Variants in ACTN3 observed in about 807,000 individuals in gnomAD.
The protein encoded by ACTN3 is alpha-actinin-3.
A neutral mutation model predicts 119.6 loss-of-function variants in ACTN3; 91 were observed. The observed-to-expected ratio is 0.76, with a 90% CI of 0.64 to 0.91. The LOEUF is 0.91. ACTN3 is among the 40% of genes least tolerant of loss of function. ACTN3 has a pLI of 0.00. For synonymous variants in ACTN3, 456 were observed against 478.8 expected, an observed-to-expected ratio of 0.95 and a Z score of 0.62; for missense variants, 1,221 against 1,215.1, an observed-to-expected ratio of 1.00 and a Z score of -0.07.
intron 9 of ACTN3, 128 bp downstream of exon 9, chr11:66,557,353 C>G: frequency 1.2e-6 from 1 of 864,430 alleles, no homozygotes; most frequent in Non-Finnish European, 1.8e-6. Flanking sequence ...TCCCAGCCTC[C>G]TCCTGTCCAT....
Position 66,556,204 on chromosome 11 carries a change from T to C in ACTN3, c.778T>C (p.Tyr260His). The stretch of plus-strand genomic sequence containing the variant: ...CATCATGACCTATGTGTCCTGCTTC[T>C]ACCATGCCTTTGCCGGGGCTGAGCA... ...KAIMTYVSCF[Y>H]HAFAGAEQAE... The change falls in exon 8 of 21, where the codon TAC becomes CAC. Residue 260 changes from tyrosine to histidine, a missense_variant. Physicochemically the swap from Tyr to His is moderately conservative, Grantham distance 83 (BLOSUM62 2). Coordinates refer to ENST00000513398, the MANE Select transcript of ACTN3 (RefSeq NM_001104.4). 1 of 1,613,954 alleles carries C rather than the reference T, an allele frequency of 6.2e-7. No homozygotes were observed. The highest frequency in any genetic ancestry group is 2.2e-5 in the East Asian group (1 of 44,840).
At chr11:66,554,169 G>A in intron 4 of ACTN3, 38 bp downstream of exon 4, 2 of 1,584,272 alleles carry the variant, frequency 1.3e-6, no homozygotes, top group Non-Finnish European at 1.7e-6. Context: ...CAGGTGCAGT[G>A]GCTGGGGCCT....
intron 1 of ACTN3, among the ~76,000 whole-genome samples, chr11:66,550,415 T>C (rs1487040912): frequency 2.0e-5 from 3 of 152,180 alleles, no homozygotes; most frequent in Non-Finnish European, 2.9e-5. Flanking sequence ...AGAAGGAGGC[T>C]GAGGCTGAGG....
intron 3 of ACTN3, among the ~76,000 whole-genome samples, chr11:66,553,336 T>C (rs1565304580): frequency 1.4e-5 from 2 of 144,734 alleles, no homozygotes; most frequent in Non-Finnish European, 3.0e-5. Flanking sequence ...GGCAGATCAT[T>C]TGAGGTCGGG....
At chr11:66,550,254 C>T (rs1174263257) in intron 1 of ACTN3, among the ~76,000 whole-genome samples, 1 of 152,186 alleles carries the variant, frequency 6.6e-6, no homozygotes, top group African/African-American at 2.4e-5. Context: ...GCTCAGTTGG[C>T]CTTGGAGCCC....
Position 66,561,368 on chromosome 11 carries a change from G to A in ACTN3, c.1995+7G>A, listed in dbSNP as rs1435601484. The stretch of plus-strand genomic sequence containing the variant: ...GATCCAGGCGAAGGTGGAGGTAAGG[G>A]CTGGGATAGTGGGTCCAACCTGGGG... On this transcript the variant is annotated splice_region_variant and intron_variant, in intron 16 of 20. Transcript: ENST00000513398. 3 of 1,609,340 alleles carry A rather than the reference G, an allele frequency of 1.9e-6. No individual in the cohort carries two copies. Among genetic ancestry groups the A allele is most frequent in the African/African-American group, 1.3e-5 (1 of 74,902 alleles).
intron 19 of ACTN3, 88 bp from the exon 20 acceptor site, chr11:66,562,708 T>G (rs1201331835): frequency 7.0e-7 from 1 of 1,423,694 alleles, no homozygotes; most frequent in South Asian, 1.4e-5. Context: ...CTCTGCTAGC[T>G]GAGGTTGGAC....
Position 66,560,645 on chromosome 11 carries a change from G to A in ACTN3, c.1750G>A (p.Gly584Ser), listed in dbSNP as rs1857734947. The change falls in exon 15 of 21, where the codon GGC (glycine) becomes AGC (serine). Residue 584 changes from glycine to serine, a missense_variant. By Grantham distance (56) the Gly-to-Ser change is moderately conservative. This residue lies in a region of ACTN3 where 934 missense variants were observed against 899.9 expected (regional missense o/e 1.04). Transcript: ENST00000513398. ...EADRERGAIM[G>S]IQGEIQKICQ... ...TGACCGAGAGCGAGGTGCCATCATG[G>A]GCATCCAGGGTGAGATCCAGAAGAT... is the stretch of plus-strand genomic sequence containing the variant. 2.5e-6 allele frequency: 4 copies of A among 1,613,718 alleles called. No homozygotes were observed. Among genetic ancestry groups the A allele is most frequent in the Admixed American group, 1.7e-5 (1 of 59,994 alleles).
At position 66,560,200 on chromosome 11, in the gene ACTN3, C is replaced by T. The variant is rs1392357251; in HGVS notation, c.1566C>T (p.Asp522=). Residue 522 remains aspartate (D), a synonymous_variant, in exon 14 of 21, where the codon GAC becomes GAT. Transcript: ENST00000513398. ...TGGAGAAGCTCCTGGAGACCATTGACCGGCTGCAACTGGAGTTTGCCCGGC... is the reference window on the plus strand; with the variant it reads ...TGGAGAAGCTCCTGGAGACCATTGATCGGCTGCAACTGGAGTTTGCCCGGC... ...ERMEKLLETI[D]RLQLEFARRA... is the part of the protein sequence containing the mutation. The T allele has an allele frequency of 5.6e-6, 9 of 1,609,608 alleles. No homozygotes were observed. The Admixed American group carries it at 1.0e-4, about 18-fold the overall frequency.
At position 66,554,658 on chromosome 11, in the gene ACTN3, C is replaced by T. The variant is rs140173495; in HGVS notation, c.557+35C>T. 60 of 1,562,864 alleles carry T rather than the reference C, an allele frequency of 3.8e-5. No homozygotes were observed. In the East Asian group the frequency reaches 8.8e-4, roughly 23 times the overall value. On this transcript the variant is annotated intron_variant, in intron 5 of 20. Coordinates refer to ENST00000513398, the MANE Select transcript of ACTN3 (RefSeq NM_001104.4). ...GTGGTTACCAAATGTGTCTGGGCCTCTGTGGGGTACTGGGCATAGAGAGGA... is the reference window on the plus strand; with the variant it reads ...GTGGTTACCAAATGTGTCTGGGCCTTTGTGGGGTACTGGGCATAGAGAGGA...
In ACTN3 at chr11:66,554,553, G is replaced by T; in HGVS notation, c.487G>T (p.Gly163Cys). Reference protein sequence around the residue: ...ISVEETSAKEGLLLWCQRKTA... With the variant: ...ISVEETSAKECLLLWCQRKTA... ...CGACCCAGAAACCTCAGCCAAGGAA[G>T]GCTTGCTTCTGTGGTGCCAGAGGAA... The change falls in exon 5 of 21, where the codon GGC becomes TGC. Residue 163 changes from glycine (G) to cysteine (C), a missense_variant. This residue lies in a region of ACTN3 where 239 missense variants were observed against 231.8 expected (regional missense o/e 1.03). Coordinates refer to ENST00000513398, the MANE Select transcript of ACTN3 (RefSeq NM_001104.4). The T allele has an allele frequency of 6.2e-7, 1 of 1,610,962 alleles. No individual in the cohort carries two copies. Among genetic ancestry groups the T allele is most frequent in the Non-Finnish European group, 8.5e-7 (1 of 1,178,386 alleles).
chr11:66,547,055 G>C lies in ACTN3; in HGVS notation c.118G>C (p.Asp40His). Residue 40 changes from aspartate (D) to histidine (H), a missense_variant, in exon 1 of 21, where the codon GAC (aspartate) becomes CAC (histidine). Asp to His is a moderately conservative substitution (Grantham distance 81, BLOSUM62 -1). Coordinates refer to ENST00000513398, the MANE Select transcript of ACTN3 (RefSeq NM_001104.4). ...GGACTGGGACCGCGACCTGCTGCTG[G>C]ACCCGGCCTGGGAGAAGCAGCAGCG... The part of the protein sequence containing the change: ...EEDWDRDLLL[D>H]PAWEKQQRKT... 6.6e-7 allele frequency: 1 copy of C among 1,510,276 alleles called. No individual in the cohort carries two copies. Among genetic ancestry groups the C allele is most frequent in the Non-Finnish European group, 8.8e-7 (1 of 1,131,020 alleles). 93.6% of individuals were successfully genotyped at this position (1,510,276 alleles called of 1,614,324 possible).
chr11:66,549,345 A>AATTCCTCGGCAACCTCTTACAGC (rs1857426100), intron 1 of ACTN3, among the ~76,000 whole-genome samples: 1 of 151,958 alleles, frequency 6.6e-6, no homozygotes, highest in South Asian at 2.1e-4. Flanking sequence ...CCCTCCCATA[A>AATTCCTCGGCAACCTCTTACAGC]ATTCCTCGGC....
chr11:66,558,428 T>C (rs977236658), intron 11 of ACTN3, among the ~76,000 whole-genome samples: 4 of 152,184 alleles, frequency 2.6e-5, no homozygotes, highest in African/African-American at 9.7e-5. Flanking sequence ...CCCAGGCTAG[T>C]ACAATCTCGG....
Position 66,559,999 on chromosome 11 carries a change from A to T in ACTN3, c.1459A>T (p.Asn487Tyr), listed in dbSNP as rs1857707086. The T allele has an allele frequency of 6.2e-7, 1 of 1,603,098 alleles. No homozygotes were observed. The highest frequency in any genetic ancestry group is 1.3e-5 in the African/African-American group (1 of 74,842). ...ELDYHEAASV[N>Y]SRCQAICDQW... ...GGACTACCACGAGGCAGCCTCAGTG[A>T]ATAGCCGCTGCCAGGCCATCTGCGA... The change falls in exon 13 of 21, where the codon AAT becomes TAT. Residue 487 changes from asparagine (N) to tyrosine (Y), a missense_variant. This residue lies in a region of ACTN3 where 934 missense variants were observed against 899.9 expected (regional missense o/e 1.04). Coordinates refer to ENST00000513398, the MANE Select transcript of ACTN3 (RefSeq NM_001104.4).
At chr11:66,552,247 G>A (rs1280220864) in intron 3 of ACTN3, among the ~76,000 whole-genome samples, 3 of 151,908 alleles carry the variant, frequency 2.0e-5, no homozygotes, top group Non-Finnish European at 4.4e-5. Context: ...GCGCGTGGCT[G>A]TAATCCCAAC....
chr11:66,547,666 T>C (rs1857387494), intron 1 of ACTN3, among the ~76,000 whole-genome samples: 2 of 152,040 alleles, frequency 1.3e-5, no homozygotes, highest in African/African-American at 4.8e-5. Context: ...ATCTTTACCC[T>C]TTTCCCTACC....
At chr11:66,546,538 G>A, upstream of ACTN3, 1 of 1,535,618 alleles carries the variant, frequency 6.5e-7, no homozygotes, top group Non-Finnish European at 8.7e-7. Flanking sequence ...TGTCCCACCA[G>A]CGAGGTGCTG....
intron 3 of ACTN3, 196 bp downstream of exon 3, chr11:66,551,843 A>C (rs1278060324): frequency 3.3e-6 from 1 of 299,988 alleles, no homozygotes; most frequent in Non-Finnish European, 4.9e-6. Flanking sequence ...TGGGAGGCCA[A>C]GGCCAGTGGA....
Sources: allele counts gnomAD v4.1 joint callset (sites outside exome capture counted in the v4.1 genomes callset), GRCh38; gene constraint gnomAD v4.1.1; regional missense constraint gnomAD v4.1.1; transcripts MANE v1.5; gene names NCBI Gene and HGNC (gene_info 2026-07-23, HGNC 2026-07-21).